Variants in KHDRBS2 observed in about 807,000 individuals in gnomAD.
KHDRBS2 encodes the protein KH domain-containing, RNA-binding, signal transduction-associated protein 2.
In KHDRBS2, 26 loss-of-function variants were observed where a neutral mutation model predicts 44.3. That is an observed-to-expected ratio of 0.59 (90% CI 0.43 to 0.81). The LOEUF is 0.81. Ranked by LOEUF, KHDRBS2 falls within the 40% of genes least tolerant of loss-of-function variation. The pLI is 0.00. For missense variants in KHDRBS2, 476 were observed against 433.1 expected, an observed-to-expected ratio of 1.10 and a Z score of -0.88; for synonymous variants, 194 against 151.1, an observed-to-expected ratio of 1.28 and a Z score of -2.08.
chr6:61,832,909 T>C (rs995177301), intron 6 of KHDRBS2, among the ~76,000 whole-genome samples: 1 of 152,110 alleles, frequency 6.6e-6, no homozygotes, highest in African/African-American at 2.4e-5. Context: ...TTTTGAAGAG[T>C]ATATTTAGGG....
chr6:62,063,308 C>T (rs906164508), intron 2 of KHDRBS2, among the ~76,000 whole-genome samples: 14 of 150,818 alleles, frequency 9.3e-5, no homozygotes, highest in Middle Eastern at 3.4e-3. Flanking sequence ...ATACCAAAGC[C>T]GGGCAGAGAC....
chr6:62,051,695 C>T (rs1415091162), intron 2 of KHDRBS2, among the ~76,000 whole-genome samples: 1 of 151,938 alleles, frequency 6.6e-6, no homozygotes, highest in Non-Finnish European at 1.5e-5. Context: ...CAAACTGGAA[C>T]AACAGCCTCT....
intron 6 of KHDRBS2, among the ~76,000 whole-genome samples, chr6:61,819,529 C>T (rs538417765): frequency 1.6e-4 from 24 of 151,916 alleles, no homozygotes; most frequent in South Asian, 1.5e-3. Flanking sequence ...ATTGTGTTTT[C>T]GGCATTTTGT....
chr6:62,124,902 TTA>T (rs1808579493), intron 2 of KHDRBS2, among the ~76,000 whole-genome samples: 1 of 152,172 alleles, frequency 6.6e-6, no homozygotes, highest in South Asian at 2.1e-4. Flanking sequence ...CCAACATTTG[TTA>T]TGATTTTGAG....
chr6:62,086,899 T>C (rs761936992), intron 2 of KHDRBS2, among the ~76,000 whole-genome samples: 1 of 148,534 alleles, frequency 6.7e-6, no homozygotes, highest in Non-Finnish European at 1.5e-5. Context: ...GAGCAAAAAT[T>C]ACCAAGAGTA....
intron 2 of KHDRBS2, among the ~76,000 whole-genome samples, chr6:62,159,149 C>T (rs1319337914): frequency 6.6e-6 from 1 of 152,100 alleles, no homozygotes; most frequent in Non-Finnish European, 1.5e-5. Flanking sequence ...CAATATGCTG[C>T]ACTTAGTAAA....
intron 2 of KHDRBS2, among the ~76,000 whole-genome samples, chr6:62,135,570 T>C (rs548896861): frequency 2.2e-4 from 34 of 152,234 alleles, no homozygotes; most frequent in Middle Eastern, 3.4e-3. Context: ...CCAAAACATA[T>C]CTGCACTCTT....
At chr6:62,180,233 T>G (rs1477704616) in intron 1 of KHDRBS2, among the ~76,000 whole-genome samples, 1 of 151,810 alleles carries the variant, frequency 6.6e-6, no homozygotes, top group Non-Finnish European at 1.5e-5. Context: ...GGCATCCAAA[T>G]AAGGAAAGTA....
chr6:62,008,567 A>T (rs1779697749), intron 3 of KHDRBS2, among the ~76,000 whole-genome samples: 1 of 152,150 alleles, frequency 6.6e-6, no homozygotes, highest in Non-Finnish European at 1.5e-5. Flanking sequence ...TGGGGATGGA[A>T]TTATCAAACA....
At chr6:61,645,388 A>T in the KHDRBS2 span, among the ~76,000 whole-genome samples, 8 of 152,006 alleles carry the variant, frequency 5.3e-5, no homozygotes, top group African/African-American at 1.7e-4. Flanking sequence ...TGAGTGATTT[A>T]AAAAAAATCT....
intron 6 of KHDRBS2, among the ~76,000 whole-genome samples, chr6:61,824,411 G>A (rs779567934): frequency 2.6e-5 from 4 of 152,016 alleles, no homozygotes; most frequent in Non-Finnish European, 4.4e-5. Flanking sequence ...AGATGTGCTT[G>A]CTTCCCCTCA....
At chr6:62,035,973 A>C (rs1282646168) in intron 3 of KHDRBS2, among the ~76,000 whole-genome samples, 1 of 151,950 alleles carries the variant, frequency 6.6e-6, no homozygotes, top group East Asian at 1.9e-4. Flanking sequence ...CAATTTTCTA[A>C]CCTACAAAAC....
chr6:61,692,549 C>A (rs1767485574), intron 8 of KHDRBS2, among the ~76,000 whole-genome samples: 1 of 151,920 alleles, frequency 6.6e-6, no homozygotes, highest in South Asian at 2.1e-4. Context: ...ACATTATTTT[C>A]TCAAAGTCAA....
intron 6 of KHDRBS2, among the ~76,000 whole-genome samples, chr6:61,849,901 T>C (rs1360587433): frequency 6.6e-6 from 1 of 152,148 alleles, no homozygotes; most frequent in Non-Finnish European, 1.5e-5. Context: ...AGTGCTAGTA[T>C]CCAAAACTAT....
At chr6:61,886,573 A>C (rs1407109305) in intron 6 of KHDRBS2, among the ~76,000 whole-genome samples, 1 of 152,130 alleles carries the variant, frequency 6.6e-6, no homozygotes, top group Non-Finnish European at 1.5e-5. Context: ...ATATGTTTAT[A>C]TATGTGTTCG....
the KHDRBS2 span, among the ~76,000 whole-genome samples, chr6:61,572,937 C>T: frequency 6.6e-6 from 1 of 152,162 alleles, no homozygotes; most frequent in South Asian, 2.1e-4. Context: ...TTCACCACTT[C>T]TATTCAACAT....
intron 1 of KHDRBS2, among the ~76,000 whole-genome samples, chr6:62,265,432 A>C (rs966499877): frequency 5.3e-5 from 8 of 151,918 alleles, no homozygotes; most frequent in African/African-American, 1.9e-4. Flanking sequence ...GTGTATGTGT[A>C]TGTGTATGTG....
At chr6:62,060,829 T>A (rs1175274807) in intron 2 of KHDRBS2, among the ~76,000 whole-genome samples, 3 of 151,828 alleles carry the variant, frequency 2.0e-5, no homozygotes, top group East Asian at 3.9e-4. Context: ...AAAATGTGGG[T>A]CCTTTCAAAT....
intron 3 of KHDRBS2, among the ~76,000 whole-genome samples, chr6:62,020,335 A>T (rs1460679794): frequency 6.6e-6 from 1 of 152,010 alleles, no homozygotes; most frequent in Non-Finnish European, 1.5e-5. Context: ...CATCCTTATT[A>T]ATTTATTGAT....
Sources: gnomAD v4.1 joint callset for allele counts (sites outside exome capture counted in the v4.1 genomes callset) on GRCh38, gnomAD v4.1.1 for gene constraint, MANE v1.5 for transcripts, NCBI Gene and HGNC (gene_info 2026-07-23, HGNC 2026-07-21) for gene names.